Variants in CARD6 observed in about 807,000 individuals in gnomAD.
The protein encoded by CARD6 is caspase recruitment domain-containing protein 6.
A neutral mutation model predicts 23.6 loss-of-function variants in CARD6; 27 were observed. The ratio of observed to expected loss-of-function variants is 1.14; its 90% CI spans 0.84 to 1.58. CARD6 has a LOEUF of 1.58. Ranked by LOEUF, CARD6 falls within the 40% of genes most tolerant of loss-of-function variation. The pLI is 0.00. For missense variants in CARD6, 1,214 were observed against 1,209.9 expected, an observed-to-expected ratio of 1.00 and a Z score of -0.05; for synonymous variants, 397 against 431.8, an observed-to-expected ratio of 0.92 and a Z score of 1.00.
chr5:40,848,926 T>C (rs1350475105), intron 2 of CARD6, among the ~76,000 whole-genome samples: 1 of 152,186 alleles, frequency 6.6e-6, no homozygotes, highest in East Asian at 1.9e-4. Flanking sequence ...TGTGTACATC[T>C]ACTCTGTTGC....
intron 2 of CARD6, among the ~76,000 whole-genome samples, chr5:40,849,382 G>C (rs1265147202): frequency 6.6e-6 from 1 of 152,098 alleles, no homozygotes; most frequent in Non-Finnish European, 1.5e-5. Flanking sequence ...CTTAAAAGCT[G>C]TCCTGCAACC....
chr5:40,846,273 A>G (rs1423389734), intron 2 of CARD6, among the ~76,000 whole-genome samples: 1 of 152,064 alleles, frequency 6.6e-6, no homozygotes, highest in Non-Finnish European at 1.5e-5. Context: ...TCGGCCTCCC[A>G]AAGTGCTGGA....
At chr5:40,849,143 C>A (rs1228086570) in intron 2 of CARD6, among the ~76,000 whole-genome samples, 1 of 152,050 alleles carries the variant, frequency 6.6e-6, no homozygotes, top group African/African-American at 2.4e-5. Context: ...ACTACAGGCA[C>A]CTGCCACCAC....
At position 40,850,589 on chromosome 5, in the gene CARD6, G is replaced by T. The variant is rs1264635189; in HGVS notation, c.842-1585G>T. Among the ~76,000 whole-genome samples the T allele has an allele frequency of 2.7e-5, 4 of 149,766 alleles. No individual in the cohort carries two copies. In the East Asian group the frequency reaches 7.9e-4, roughly 30 times the overall value. The stretch of plus-strand genomic sequence containing the variant: ...AAAAAAAAATTAGCTGGGTGTGACG[G>T]CGGGCGCCTGTAGTCCCAGCTACTC... On this transcript the variant is annotated intron_variant, in intron 2 of 2. Transcript: ENST00000254691.
rs776764261 is a variant in CARD6 at position 40,843,134 on chromosome 5, C to G, written c.284-18C>G. On this transcript the variant is annotated intron_variant, in intron 1 of 2. Transcript: ENST00000254691. ...GCTTCTTTTTCTTAATTGGGAAAAA[C>G]AATTCTTTTCTTTGCAGAAGTTTTA... 6.5e-7 allele frequency: 1 copy of G among 1,534,338 alleles called. No homozygotes were observed. The highest frequency in any genetic ancestry group is 1.3e-5 in the South Asian group (1 of 79,312).
chr5:40,843,284 A>G lies in CARD6; in HGVS notation c.416A>G (p.His139Arg), dbSNP rs763139456. Residue 139 changes from histidine (H) to arginine (R), a missense_variant, in exon 2 of 3, where the codon CAC (histidine) becomes CGC (arginine). By Grantham distance (29) the His-to-Arg change is conservative. Coordinates refer to ENST00000254691, the MANE Select transcript of CARD6 (RefSeq NM_032587.4). ...EITVFFSEKE[H>R]LDLETSEFFR... is the part of the protein sequence containing the mutation. ...ACAGTGTTCTTCAGTGAGAAGGAAC[A>G]CTTGGATTTGGAAACCTCTGAGTTT... 2 of 1,614,052 alleles carry G rather than the reference A, an allele frequency of 1.2e-6. No individual in the cohort carries two copies. Among genetic ancestry groups the G allele is most frequent in the African/African-American group, 2.7e-5 (2 of 74,920 alleles).
intron 2 of CARD6, among the ~76,000 whole-genome samples, chr5:40,848,333 G>A (rs995126959): frequency 6.7e-6 from 1 of 150,198 alleles, no homozygotes. Context: ...CTCCCACCTC[G>A]GCCTCTCAAG....
In CARD6 at chr5:40,852,753, T is replaced by G. The variant is rs1387713103; in HGVS notation, c.1421T>G (p.Leu474Arg). ...TCTAAGTCCAGAATCCTCAACACAC[T>G]TCTCAGCCCTGCCCAGTTGAAATTA... ...SFSKSRILNTLLSPAQLKLHK... is the reference protein window; with the variant it reads ...SFSKSRILNTRLSPAQLKLHK... Residue 474 changes from leucine (L) to arginine (R), a missense_variant, in exon 3 of 3, where the codon CTT becomes CGT. Leu to Arg is a moderately radical substitution (Grantham distance 102, BLOSUM62 -2). Transcript: ENST00000254691. 2 of 1,614,076 alleles carry G rather than the reference T, an allele frequency of 1.2e-6. No homozygotes were observed. The highest frequency in any genetic ancestry group is 3.3e-5 in the Admixed American group (2 of 59,988).
chr5:40,841,589 G>C lies in CARD6; in HGVS notation c.207G>C (p.Glu69Asp), dbSNP rs1322934327. Residue 69 changes from glutamate (E) to aspartate (D), a missense_variant, in exon 1 of 3, where the codon GAG becomes GAC. Coordinates refer to ENST00000254691, the MANE Select transcript of CARD6 (RefSeq NM_032587.4). ...KLLILVQKKG[E>D]ATCQHFLKCL... ...TAATTTTGGTACAGAAAAAGGGAGA[G>C]GCGACCTGTCAGCATTTTCTCAAGT... 1 of 1,614,046 alleles carries C rather than the reference G, an allele frequency of 6.2e-7. No individual in the cohort carries two copies. Among genetic ancestry groups the C allele is most frequent in the South Asian group, 1.1e-5 (1 of 91,070 alleles).
chr5:40,848,663 G>C (rs1386388932), intron 2 of CARD6, among the ~76,000 whole-genome samples: 1 of 151,704 alleles, frequency 6.6e-6, no homozygotes, highest in Non-Finnish European at 1.5e-5. Flanking sequence ...AGAGACTCTA[G>C]ATTGTTATAT....
At chr5:40,847,978 A>G (rs1403077978) in intron 2 of CARD6, among the ~76,000 whole-genome samples, 2 of 151,940 alleles carry the variant, frequency 1.3e-5, no homozygotes, top group Non-Finnish European at 2.9e-5. Context: ...ATATTGTTCT[A>G]CAGGTTCCAG....
Position 40,853,514 on chromosome 5 carries a change from C to A in CARD6, c.2182C>A (p.Leu728Ile). ...TGGTACCCCAGTATTCAGGCCTGTT[C>A]TAGAGAACTCCTGGCTCTTTCCAAC... ...LYGTPVFRPV[L>I]ENSWLFPTRI... The change falls in exon 3 of 3, where the codon CTA becomes ATA. Residue 728 changes from leucine (L) to isoleucine (I), a missense_variant. By Grantham distance (5) the Leu-to-Ile change is conservative. Coordinates refer to ENST00000254691, the MANE Select transcript of CARD6 (RefSeq NM_032587.4). 1 of 1,614,176 alleles carries A rather than the reference C, an allele frequency of 6.2e-7. No homozygotes were observed. The highest frequency in any genetic ancestry group is 2.2e-5 in the East Asian group (1 of 44,878).
intron 2 of CARD6, among the ~76,000 whole-genome samples, chr5:40,846,935 C>T (rs1047415394): frequency 6.6e-6 from 1 of 152,084 alleles, no homozygotes; most frequent in Non-Finnish European, 1.5e-5. Flanking sequence ...GTCTCAAAGC[C>T]AGGTTTAGGG....
chr5:40,852,117 C>A, intron 2 of CARD6, 57 bp from the exon 3 acceptor site: 1 of 1,140,004 alleles, frequency 8.8e-7, no homozygotes, highest in East Asian at 2.4e-5. Context: ...AAAAAGAAGT[C>A]GATGGGGAAA....
chr5:40,847,753 G>T (rs185427315), intron 2 of CARD6, among the ~76,000 whole-genome samples: 1 of 150,802 alleles, frequency 6.6e-6, no homozygotes, highest in African/African-American at 2.4e-5. Context: ...TTGTTTTCAA[G>T]ATTTTTTCTT....
intron 1 of CARD6, among the ~76,000 whole-genome samples, chr5:40,842,615 G>A (rs1388711203): frequency 2.6e-5 from 4 of 151,818 alleles, no homozygotes; most frequent in Admixed American, 2.6e-4. Flanking sequence ...TTGCTAGGAA[G>A]GACTCAAACT....
chr5:40,847,435 T>A (rs1745984428), intron 2 of CARD6, among the ~76,000 whole-genome samples: 1 of 152,234 alleles, frequency 6.6e-6, no homozygotes, highest in Non-Finnish European at 1.5e-5. Context: ...CCTGTGGCCT[T>A]TCTTTTTTCC....
At chr5:40,848,673 T>C (rs542438643) in intron 2 of CARD6, among the ~76,000 whole-genome samples, 1 of 151,934 alleles carries the variant, frequency 6.6e-6, no homozygotes, top group Admixed American at 6.5e-5. Context: ...GATTGTTATA[T>C]TTCTCCCAAG....
chr5:40,845,870 A>G (rs1422584570), intron 2 of CARD6, among the ~76,000 whole-genome samples: 1 of 151,832 alleles, frequency 6.6e-6, no homozygotes, highest in African/African-American at 2.4e-5. Flanking sequence ...AGAGTTTATT[A>G]TTGTTCACAT....
Sources: allele counts gnomAD v4.1 joint callset (sites outside exome capture counted in the v4.1 genomes callset), GRCh38; gene constraint gnomAD v4.1.1; transcripts MANE v1.5; gene names NCBI Gene and HGNC (gene_info 2026-07-23, HGNC 2026-07-21).